Variants in PRKACB observed in about 807,000 individuals in gnomAD.
PRKACB encodes protein kinase cAMP-activated catalytic subunit beta, also known as cAMP-dependent protein kinase catalytic subunit beta.
In PRKACB, 16 loss-of-function variants were observed where a neutral mutation model predicts 51.4. That is an observed-to-expected ratio of 0.31 (90% confidence interval 0.21 to 0.47). The LOEUF (loss-of-function observed/expected upper bound fraction) is 0.47. Ranked by LOEUF, PRKACB falls within the 20% of genes least tolerant of loss-of-function variation. The pLI, the probability that PRKACB is intolerant of heterozygous loss-of-function variation, is 1.00. For synonymous variants in PRKACB, 147 were observed against 154.4 expected (o/e 0.95, Z 0.35); for missense variants, 309 against 464.5 (o/e 0.67, Z 3.08).
rs1014504658 is a variant in PRKACB, at chr1:84,131,258, C to T, written c.47-47919C>T. On this transcript the variant is annotated intron_variant, in intron 1 of 8. Transcript: ENST00000370688. ...TGAAATCCCAGCTACTCAGGAGAATCGGTTGAACCTGGGAGGCAGGGGTTG... is the reference window on the plus strand; with the variant it reads ...TGAAATCCCAGCTACTCAGGAGAATTGGTTGAACCTGGGAGGCAGGGGTTG... Among the ~76,000 whole-genome samples the T allele has an allele frequency of 2.6e-5, 4 of 151,058 alleles. 1 individual carries two copies. Among genetic ancestry groups the T allele is most frequent in the South Asian group, 4.2e-4 (2 of 4,790 alleles).
chr1:84,093,910 T>G (rs1231054214), intron 1 of PRKACB, among the ~76,000 whole-genome samples: 3 of 151,984 alleles, frequency 2.0e-5, no homozygotes, highest in Non-Finnish European at 4.4e-5. Flanking sequence ...TCTTCTAATT[T>G]TTCATTGTGA....
At chr1:84,147,349 TCAGA>T (rs1051232239) in intron 1 of PRKACB, among the ~76,000 whole-genome samples, 1 of 152,018 alleles carries the variant, frequency 6.6e-6, no homozygotes, top group Non-Finnish European at 1.5e-5. Flanking sequence ...ATACAATCTC[TCAGA>T]CAGTTTACCT....
intron 7 of PRKACB, among the ~76,000 whole-genome samples, chr1:84,202,174 T>A (rs1386490942): frequency 6.6e-6 from 1 of 152,122 alleles, no homozygotes; most frequent in East Asian, 1.9e-4. Context: ...GGATTATCCC[T>A]AGCACATTCA....
intron 1 of PRKACB, among the ~76,000 whole-genome samples, chr1:84,178,032 A>G (rs1353287615): frequency 6.6e-6 from 1 of 152,098 alleles, no homozygotes; most frequent in African/African-American, 2.4e-5. Context: ...TTAAAAACTA[A>G]TGTCTGCTCT....
chr1:84,205,011 C>A (rs1209672651), intron 8 of PRKACB: 1 of 983,550 alleles, frequency 1.0e-6, no homozygotes, highest in Non-Finnish European at 1.2e-6. Flanking sequence ...ATCCTGGGCA[C>A]CTTAGAAGAA....
rs559724177 is a variant in PRKACB, at chr1:84,124,931, A to G, written c.46+46560A>G. Reference sequence around the variant, plus strand: ...CCATGACTAGGAGTTTCACATGTCCATATTTCATACATTTTAGTACTCTGG... The same window carrying G: ...CCATGACTAGGAGTTTCACATGTCCGTATTTCATACATTTTAGTACTCTGG... On this transcript the variant is annotated intron_variant, in intron 1 of 8. Transcript: ENST00000370688. Among the ~76,000 whole-genome samples, 21 of 152,328 alleles carry G rather than the reference A, an allele frequency of 1.4e-4. No individual in the cohort carries two copies. In the South Asian group the frequency reaches 4.1e-3, roughly 30 times the overall value.
chr1:84,181,426 C>T (rs1465562490), intron 2 of PRKACB, among the ~76,000 whole-genome samples: 5 of 151,928 alleles, frequency 3.3e-5, no homozygotes. Flanking sequence ...GTGGCAGGAA[C>T]AAATTTAATA....
chr1:84,193,511 A>C (rs1418620516), intron 5 of PRKACB, among the ~76,000 whole-genome samples: 1 of 152,226 alleles, frequency 6.6e-6, no homozygotes, highest in Non-Finnish European at 1.5e-5. Flanking sequence ...AAGAAGGTTG[A>C]AAGTTTTATA....
At chr1:84,096,583 TC>T in intron 1 of PRKACB, among the ~76,000 whole-genome samples, 1 of 152,278 alleles carries the variant, frequency 6.6e-6, no homozygotes, top group East Asian at 1.9e-4. Flanking sequence ...TCATTTCCCA[TC>T]TTTTCAGGAC....
chr1:84,122,967 C>A (rs143961920), intron 1 of PRKACB, among the ~76,000 whole-genome samples: 3 of 151,986 alleles, frequency 2.0e-5, no homozygotes, highest in African/African-American at 7.3e-5. Context: ...GTATGTGAAG[C>A]CTAAATGGCC....
At chr1:84,165,058 A>G in intron 1 of PRKACB, 1 of 1,398,184 alleles carries the variant, frequency 7.2e-7, no homozygotes, top group Admixed American at 2.2e-5. Context: ...TTTAAAAAAT[A>G]TATTTATAAG....
chr1:84,086,159 G>T, intron 1 of PRKACB: 4 of 1,597,186 alleles, frequency 2.5e-6, no homozygotes, highest in Non-Finnish European at 3.4e-6. Flanking sequence ...GAAGAATGGG[G>T]ATGTGGTGGA....
chr1:84,224,978 A>C (rs1332757333), intron 9 of PRKACB, among the ~76,000 whole-genome samples: 1 of 152,060 alleles, frequency 6.6e-6, no homozygotes, highest in Non-Finnish European at 1.5e-5. Flanking sequence ...TGATAGCCTG[A>C]GTCTTTCGTC....
intron 5 of PRKACB, among the ~76,000 whole-genome samples, chr1:84,189,049 TA>T (rs1666000161): frequency 6.6e-6 from 1 of 151,936 alleles, no homozygotes; most frequent in African/African-American, 2.4e-5. Flanking sequence ...ATTATCTTGA[TA>T]AAATATAAAA....
intron 1 of PRKACB, chr1:84,086,207 G>A: frequency 1.3e-6 from 2 of 1,596,648 alleles, no homozygotes; most frequent in Admixed American, 1.7e-5. Context: ...TCAGCTGGAG[G>A]CCTTCCTGAA....
chr1:84,189,717 A>G (rs769743747), intron 5 of PRKACB, among the ~76,000 whole-genome samples: 2 of 152,004 alleles, frequency 1.3e-5, no homozygotes, highest in African/African-American at 2.4e-5. Context: ...ATTAGATCTC[A>G]GGAAGAAATG....
chr1:84,093,223 G>C (rs1648640070), intron 1 of PRKACB, among the ~76,000 whole-genome samples: 1 of 151,608 alleles, frequency 6.6e-6, no homozygotes, highest in Non-Finnish European at 1.5e-5. Context: ...GCTTTCTTTT[G>C]CCTTTCATAT....
intron 1 of PRKACB, among the ~76,000 whole-genome samples, chr1:84,131,807 G>A (rs887897297): frequency 6.6e-6 from 1 of 152,220 alleles, no homozygotes; most frequent in Non-Finnish European, 1.5e-5. Context: ...TAACATGGGA[G>A]TGTGACACCT....
intron 9 of PRKACB, among the ~76,000 whole-genome samples, chr1:84,234,803 C>G (rs1003040984): frequency 1.3e-5 from 2 of 152,230 alleles, no homozygotes; most frequent in African/African-American, 4.8e-5. Context: ...CACTGACCTG[C>G]GCCCACTGTC....
Sources: gnomAD v4.1 joint callset for allele counts (sites outside exome capture counted in the v4.1 genomes callset) on GRCh38, gnomAD v4.1.1 for gene constraint, MANE v1.5 for transcripts, NCBI Gene and HGNC (gene_info 2026-07-23, HGNC 2026-07-21) for gene names.